Variants in STARD13 observed in about 807,000 individuals in gnomAD.
STARD13 encodes StAR related lipid transfer domain containing 13.
Under a neutral mutation model 106.4 loss-of-function variants are expected in STARD13, and 62 were observed. The observed-to-expected ratio is 0.58, with a 90% confidence interval of 0.48 to 0.72. STARD13 has a LOEUF of 0.72. STARD13 is among the 30% of genes least tolerant of loss of function. The pLI is 0.00. For missense variants in STARD13, 1,387 were observed against 1,424.0 expected (o/e 0.97, Z 0.42); for synonymous variants, 565 against 553.0 (o/e 1.02, Z -0.31).
chr13:33,450,427 A>T, the STARD13 span, among the ~76,000 whole-genome samples: 1 of 152,268 alleles, frequency 6.6e-6, no homozygotes, highest in Admixed American at 6.5e-5. Flanking sequence ...CCACTTGATT[A>T]TGGTGAATGA....
At chr13:33,604,601 A>T in the STARD13 span, among the ~76,000 whole-genome samples, 8 of 152,086 alleles carry the variant, frequency 5.3e-5, no homozygotes, top group Non-Finnish European at 8.8e-5. Flanking sequence ...GTTTGAGACC[A>T]GCCTGGCCAA....
the STARD13 span, among the ~76,000 whole-genome samples, chr13:33,431,809 CAT>C: frequency 1.3e-5 from 2 of 152,274 alleles, no homozygotes; most frequent in Non-Finnish European, 1.5e-5. Context: ...AAAGGTCTAA[CAT>C]GTGGTGGGCC....
chr13:33,113,445 C>A, intron 8 of STARD13: 1 of 465,696 alleles, frequency 2.1e-6, no homozygotes, highest in South Asian at 1.5e-5. Flanking sequence ...GGCCATGATG[C>A]CAGTGCTGCA....
At chr13:33,448,762 C>T in the STARD13 span, among the ~76,000 whole-genome samples, 1 of 152,112 alleles carries the variant, frequency 6.6e-6, no homozygotes, top group African/African-American at 2.4e-5. Context: ...TCTTCACCAA[C>T]ATTTGTTACT....
At chr13:33,292,540 C>T (rs917462047) in intron 1 of STARD13, among the ~76,000 whole-genome samples, 1 of 151,502 alleles carries the variant, frequency 6.6e-6, no homozygotes, top group Non-Finnish European at 1.5e-5. Flanking sequence ...GGTCAAGGCT[C>T]CAGTAAGCCA....
At chr13:33,593,182 ATTTTTTAT>A in the STARD13 span, among the ~76,000 whole-genome samples, 1 of 151,630 alleles carries the variant, frequency 6.6e-6, no homozygotes, top group Non-Finnish European at 1.5e-5. Flanking sequence ...ATTTATTTTT[ATTTTTTAT>A]TTTTTTATTT....
chr13:33,280,560 G>A (rs893569511), intron 1 of STARD13: 3 of 152,084 alleles, frequency 2.0e-5, no homozygotes, highest in African/African-American at 7.2e-5. Context: ...CCACTTTACA[G>A]GCCTGGATTT....
the STARD13 span, among the ~76,000 whole-genome samples, chr13:33,355,848 G>C: frequency 6.6e-6 from 1 of 152,136 alleles, no homozygotes; most frequent in African/African-American, 2.4e-5. Context: ...GCCAGTCTTT[G>C]AATGCTAACA....
chr13:33,615,986 C>T, the STARD13 span, among the ~76,000 whole-genome samples: 2 of 152,088 alleles, frequency 1.3e-5, no homozygotes, highest in African/African-American at 4.8e-5. Flanking sequence ...GAATGTCATA[C>T]CATCATTTGT....
At chr13:33,670,392 T>C in the STARD13 span, among the ~76,000 whole-genome samples, 2,488 of 152,294 alleles carry the variant, frequency 0.016, 73 homozygotes, top group African/African-American at 0.057. Context: ...TCACCAAAGA[T>C]CGCGTTGCAT....
the STARD13 span, among the ~76,000 whole-genome samples, chr13:33,499,619 CTTCTTCTT>C: frequency 2.7e-5 from 3 of 109,202 alleles, no homozygotes; most frequent in African/African-American, 4.7e-5. Context: ...TCTTCTTCTT[CTTCTTCTT>C]CTTCTTCTTC....
chr13:33,476,595 T>C, the STARD13 span, among the ~76,000 whole-genome samples: 2 of 152,244 alleles, frequency 1.3e-5, no homozygotes, highest in African/African-American at 4.8e-5. Flanking sequence ...CTTGCTTTGA[T>C]AAGTTTGGCA....
the STARD13 span, among the ~76,000 whole-genome samples, chr13:33,627,941 A>G: frequency 6.6e-6 from 1 of 151,760 alleles, no homozygotes; most frequent in Non-Finnish European, 1.5e-5. Flanking sequence ...TACTTTGCGT[A>G]ATTTTAGGCT....
At chr13:33,603,434 C>T in the STARD13 span, among the ~76,000 whole-genome samples, 3 of 152,192 alleles carry the variant, frequency 2.0e-5, no homozygotes, top group Admixed American at 6.5e-5. Flanking sequence ...TAACCCCTAA[C>T]ATACATAACG....
intron 1 of STARD13, among the ~76,000 whole-genome samples, chr13:33,281,993 G>A (rs1440825578): frequency 6.6e-6 from 1 of 152,008 alleles, no homozygotes; most frequent in African/African-American, 2.4e-5. Context: ...TTAATGTATT[G>A]TGTATTTTAC....
chr13:33,439,774 G>A, the STARD13 span: 1 of 973,606 alleles, frequency 1.0e-6, no homozygotes, highest in South Asian at 1.4e-5. Flanking sequence ...TACCACTTTT[G>A]TGAAGAATAT....
intron 1 of STARD13, among the ~76,000 whole-genome samples, chr13:33,253,213 T>C (rs935206256): frequency 6.6e-6 from 1 of 152,188 alleles, no homozygotes; most frequent in Non-Finnish European, 1.5e-5. Flanking sequence ...CAGCCAGACT[T>C]CCTAAAAGAC....
At chr13:33,525,352 T>C in the STARD13 span, among the ~76,000 whole-genome samples, 1 of 152,086 alleles carries the variant, frequency 6.6e-6, no homozygotes, top group Non-Finnish European at 1.5e-5. Context: ...TGAAGTAATA[T>C]TGAAAAACTG....
the STARD13 span, among the ~76,000 whole-genome samples, chr13:33,397,881 A>G: frequency 6.6e-6 from 1 of 152,230 alleles, no homozygotes; most frequent in Non-Finnish European, 1.5e-5. Flanking sequence ...TCTGGTGGAA[A>G]GGATGAGAGG....
Sources: gnomAD v4.1 joint callset for allele counts (sites outside exome capture counted in the v4.1 genomes callset) on GRCh38, gnomAD v4.1.1 for gene constraint, MANE v1.5 for transcripts, NCBI Gene and HGNC (gene_info 2026-07-23, HGNC 2026-07-21) for gene names.